MAP1B: variants seen among roughly 807,000 people sequenced by gnomAD.
The protein encoded by MAP1B is microtubule associated protein 1B.
A neutral mutation model predicts 176.1 loss-of-function variants in MAP1B; 12 were observed. That is an observed-to-expected ratio of 0.07 (90% CI 0.04 to 0.11). The LOEUF (loss-of-function observed/expected upper bound fraction) is 0.11. Ranked by LOEUF, MAP1B falls within the 10% of genes least tolerant of loss-of-function variation. The pLI, the probability that MAP1B is intolerant of heterozygous loss-of-function variation, is 1.00. For missense variants in MAP1B, 2,523 were observed against 2,990.5 expected (o/e 0.84, Z 3.65); for synonymous variants, 1,044 against 1,135.0 (o/e 0.92, Z 1.61).
intron 1 of MAP1B, among the ~76,000 whole-genome samples, chr5:72,109,985 G>T (rs896892960): frequency 6.6e-6 from 1 of 152,220 alleles, no homozygotes. Flanking sequence ...TCCACGTACT[G>T]CTATGAAGAA....
At chr5:72,163,793 C>T (rs1261589413) in intron 2 of MAP1B, among the ~76,000 whole-genome samples, 1 of 152,174 alleles carries the variant, frequency 6.6e-6, no homozygotes, top group East Asian at 1.9e-4. Context: ...CTTTCTGAAC[C>T]TTAATGTCTT....
chr5:72,129,575 A>G (rs535253986), intron 2 of MAP1B, among the ~76,000 whole-genome samples: 53 of 152,020 alleles, frequency 3.5e-4, no homozygotes, highest in Middle Eastern at 3.4e-3. Context: ...AAAAAAGTAA[A>G]TATCTGTTGA....
chr5:72,183,057 C>G (rs1267391362), intron 2 of MAP1B, among the ~76,000 whole-genome samples: 1 of 152,210 alleles, frequency 6.6e-6, no homozygotes, highest in Non-Finnish European at 1.5e-5. Context: ...TTTCAGCCCT[C>G]CTTAGACAGG....
chr5:72,120,479 C>T (rs1050896210), intron 2 of MAP1B, among the ~76,000 whole-genome samples: 4 of 148,512 alleles, frequency 2.7e-5, no homozygotes, highest in Admixed American at 1.4e-4. Context: ...GGCTGGAGTG[C>T]AGTGGCGCAA....
rs779235026 is a variant in MAP1B at position 72,199,488 on chromosome 5, G to C, written c.6133G>C (p.Ala2045Pro). 5.6e-6 allele frequency: 9 copies of C among 1,614,146 alleles called. No homozygotes were observed. The South Asian group carries it at 8.8e-5, about 16-fold the overall frequency. ...PDTSTYCYET[A>P]EKITRTPQAS... is the part of the protein sequence containing the mutation. ...TACTTCCACATACTGTTACGAGACTGCAGAGAAAATCACTAGAACCCCTCA... is the reference window on the plus strand; with the variant it reads ...TACTTCCACATACTGTTACGAGACTCCAGAGAAAATCACTAGAACCCCTCA... Residue 2045 changes from alanine to proline, a missense_variant, in exon 5 of 7, where the codon GCA (alanine) becomes CCA (proline). Transcript: ENST00000296755. The surrounding 1 kb of genome is among the most constrained non-coding windows in gnomAD (Gnocchi z 4.2).
Position 72,196,300 on chromosome 5 carries a change from C to T in MAP1B, c.2945C>T (p.Ala982Val). 5 of 1,614,018 alleles carry T rather than the reference C, an allele frequency of 3.1e-6. No individual in the cohort carries two copies. Among genetic ancestry groups the T allele is most frequent in the Non-Finnish European group, 3.4e-6 (4 of 1,180,000 alleles). Residue 982 changes from alanine to valine, a missense_variant, in exon 5 of 7, where the codon GCT becomes GTT. Physicochemically the swap from Ala to Val is moderately conservative, Grantham distance 64. This residue lies in a region of MAP1B where 1,925 missense variants were observed against 2,126.0 expected (regional missense o/e 0.91). Coordinates refer to ENST00000296755, the MANE Select transcript of MAP1B (RefSeq NM_005909.5). The surrounding 1 kb of genome is among the most constrained non-coding windows in gnomAD (Gnocchi z 5.3). ...TEDEESAKAE[A>V]DAYIREKRES... ...GATGAGGAAAGTGCCAAGGCGGAGG[C>T]TGATGCATACATCAGGGAGAAGAGG...
intron 2 of MAP1B, among the ~76,000 whole-genome samples, chr5:72,170,872 A>C (rs1460784567): frequency 7.5e-6 from 1 of 133,638 alleles, no homozygotes; most frequent in Non-Finnish European, 1.8e-5. Flanking sequence ...GCTTGAACCC[A>C]GGAGGCAGAG....
chr5:72,139,364 C>T (rs1330499079), intron 2 of MAP1B, among the ~76,000 whole-genome samples: 1 of 152,198 alleles, frequency 6.6e-6, no homozygotes, highest in Admixed American at 6.5e-5. Context: ...TCTGGCTGCT[C>T]TGCAAATATA....
At chr5:72,123,567 C>T (rs1745569211) in intron 2 of MAP1B, among the ~76,000 whole-genome samples, 1 of 152,008 alleles carries the variant, frequency 6.6e-6, no homozygotes, top group Non-Finnish European at 1.5e-5. Flanking sequence ...TCACTGCAAG[C>T]TATGCCTCCC....
At position 72,198,889 on chromosome 5, in the gene MAP1B, T is replaced by C; in HGVS notation, c.5534T>C (p.Leu1845Pro). The change falls in exon 5 of 7, where the codon CTA (leucine) becomes CCA (proline). Residue 1845 changes from leucine (L) to proline (P), a missense_variant. Physicochemically the swap from Leu to Pro is moderately conservative, Grantham distance 98. Around this residue, in one of 4 missense-constraint regions of MAP1B, gnomAD observed 1,925 missense variants for 2,126.0 expected, o/e 0.91. Transcript: ENST00000296755. ...TTATTCGATACAATGCAACACCATCTAGCCTTGAATAGAGATTTGTCCACA... is the reference window on the plus strand; with the variant it reads ...TTATTCGATACAATGCAACACCATCCAGCCTTGAATAGAGATTTGTCCACA... ...SVLFDTMQHH[L>P]ALNRDLSTPG... The C allele has an allele frequency of 6.2e-7, 1 of 1,614,222 alleles. No homozygotes were observed. Among genetic ancestry groups the C allele is most frequent in the Non-Finnish European group, 8.5e-7 (1 of 1,180,038 alleles).
At chr5:72,128,158 G>A (rs895732251) in intron 2 of MAP1B, among the ~76,000 whole-genome samples, 1 of 152,148 alleles carries the variant, frequency 6.6e-6, no homozygotes, top group African/African-American at 2.4e-5. Flanking sequence ...ATCTTCCTTG[G>A]AAGACTCAGG....
At position 72,199,201 on chromosome 5, in the gene MAP1B, C is replaced by T. The variant is rs747767372; in HGVS notation, c.5846C>T (p.Thr1949Ile). ...SYEIIEKTTR[T>I]PEEGGYSYDI... ...GAAATTATTGAGAAGACCACACGGA[C>T]CCCTGAAGAGGGTGGGTACTCATAT... Residue 1949 changes from threonine to isoleucine, a missense_variant, in exon 5 of 7, where the codon ACC becomes ATC. By Grantham distance (89) the Thr-to-Ile change is moderately conservative (BLOSUM62 -1). Transcript: ENST00000296755. This position sits in a 1 kb window ranked among gnomAD's most constrained non-coding sequence, Gnocchi z 4.2. 1.2e-6 allele frequency: 2 copies of T among 1,614,066 alleles called. No homozygotes were observed. Among genetic ancestry groups the T allele is most frequent in the Non-Finnish European group, 1.7e-6 (2 of 1,179,972 alleles).
At chr5:72,110,748 G>C (rs1745317776) in intron 1 of MAP1B, among the ~76,000 whole-genome samples, 1 of 152,192 alleles carries the variant, frequency 6.6e-6, no homozygotes, top group Non-Finnish European at 1.5e-5. Context: ...GAGATTCTGG[G>C]TTTGGAGACC....
chr5:72,144,698 C>T (rs989876572), intron 2 of MAP1B, among the ~76,000 whole-genome samples: 3 of 152,156 alleles, frequency 2.0e-5, no homozygotes, highest in Non-Finnish European at 4.4e-5. Flanking sequence ...GCCAGGCCCA[C>T]GCTGAATTTC....
intron 2 of MAP1B, among the ~76,000 whole-genome samples, chr5:72,161,080 C>T (rs1161127113): frequency 1.3e-5 from 2 of 152,172 alleles, no homozygotes; most frequent in East Asian, 1.9e-4. Flanking sequence ...GGTACATCCA[C>T]CTTCAAAGAT....
intron 2 of MAP1B, among the ~76,000 whole-genome samples, chr5:72,181,979 C>A (rs1746777543): frequency 6.6e-6 from 1 of 151,366 alleles, no homozygotes; most frequent in Non-Finnish European, 1.5e-5. Context: ...CTGCCTTGGC[C>A]TCCCCAAGTG....
rs558132598 is a variant in MAP1B, at chr5:72,175,133, C to CGGCTCACT, written c.287-8609_287-8602dup. Among the ~76,000 whole-genome samples the CGGCTCACT allele has an allele frequency of 8.4e-3, 1,239 of 148,020 alleles. 17 individuals carry two copies. Among genetic ancestry groups the CGGCTCACT allele is most frequent in the African/African-American group, 0.029 (1,157 of 40,022 alleles). ...AGGCTGGAGTGCAGTGGTGTGATCT[C>CGGCTCACT]GGCTCACTACAGCCTCAACCTCCTG... On this transcript the variant is annotated intron_variant, in intron 2 of 6. Transcript: ENST00000296755.
chr5:72,108,938 C>T (rs1358581158), intron 1 of MAP1B, among the ~76,000 whole-genome samples: 2 of 152,234 alleles, frequency 1.3e-5, no homozygotes, highest in Non-Finnish European at 2.9e-5. Flanking sequence ...TGGGGTGGTG[C>T]TGAAGCGTTT....
Position 72,196,064 on chromosome 5 carries a change from CGAATGTGAACAGACACCTGAGGAGCTG to C in MAP1B, c.2712_2738del (p.Cys905_Glu913del). The C allele has an allele frequency of 6.2e-7, 1 of 1,614,012 alleles. No homozygotes were observed. Among genetic ancestry groups the C allele is most frequent in the Non-Finnish European group, 8.5e-7 (1 of 1,180,008 alleles). On this transcript the variant is annotated inframe_deletion, in exon 5 of 7. Transcript: ENST00000296755. This position sits in a 1 kb window ranked among gnomAD's most constrained non-coding sequence, Gnocchi z 5.3. Reference sequence around the variant, plus strand: ...GAATCACTACCACTGAAGGGGAGGGCGAATGTGAACAGACACCTGAGGAGCTGGAGCCCGTCGAGAAGCAGGGAGTAG... The same window carrying C: ...GAATCACTACCACTGAAGGGGAGGGCGAGCCCGTCGAGAAGCAGGGAGTAG...
Sources: gnomAD v4.1 joint callset for allele counts (sites outside exome capture counted in the v4.1 genomes callset) on GRCh38, gnomAD v4.1.1 for gene constraint, gnomAD v4.1.1 regional missense constraint, Gnocchi (gnomAD v3.1) non-coding constraint, MANE v1.5 for transcripts, NCBI Gene and HGNC (gene_info 2026-07-23, HGNC 2026-07-21) for gene names.